The following EPS8 variants were observed in gnomAD, a reference collection of about 807,000 sequenced individuals.
The protein encoded by EPS8 is EGFR pathway substrate 8, signaling adaptor, also known as epidermal growth factor receptor kinase substrate 8.
A neutral mutation model predicts 103.8 loss-of-function variants in EPS8; 42 were observed. That is an observed-to-expected ratio of 0.40 (90% confidence interval 0.32 to 0.52). The LOEUF (loss-of-function observed/expected upper bound fraction) is 0.52. EPS8 is among the 20% of genes least tolerant of loss of function. EPS8 has a pLI of 0.40. For synonymous variants in EPS8, 344 were observed against 344.6 expected (o/e 1.00, Z 0.02); for missense variants, 969 against 1,005.1 (o/e 0.96, Z 0.49).
chr12:15,658,187 A>G, intron 11 of EPS8, 34 bp from the exon 12 acceptor site: 2 of 1,454,496 alleles, frequency 1.4e-6, no homozygotes, highest in Non-Finnish European at 1.9e-6. Context: ...ACAGATTACT[A>G]TCAAGCAAGA....
Position 15,771,796 on chromosome 12 carries a change from C to A in EPS8, c.-22+17365G>T, listed in dbSNP as rs141934614. ...TGTGGCTAACTCATTACAAAGAATT[C>A]TTTGTGGCAGTATTGAGAGCTAATT... On this transcript the variant is annotated intron_variant, in intron 1 of 20. Transcript: ENST00000281172. This position sits in a 1 kb window ranked among gnomAD's most constrained non-coding sequence, Gnocchi z 4.6. Among the ~76,000 whole-genome samples the A allele has an allele frequency of 1.2e-3, 175 of 151,992 alleles. No individual in the cohort carries two copies. The highest frequency in any genetic ancestry group is 0.011 in the East Asian group (57 of 5,156).
At chr12:15,676,782 G>C (rs1011654758) in intron 3 of EPS8, among the ~76,000 whole-genome samples, 1 of 152,096 alleles carries the variant, frequency 6.6e-6, no homozygotes, top group Admixed American at 6.5e-5. Context: ...TAAGTGTTAC[G>C]GTGTCAGTGA....
intron 13 of EPS8, among the ~76,000 whole-genome samples, chr12:15,653,473 C>T (rs1374441310): frequency 1.3e-5 from 2 of 152,100 alleles, no homozygotes; most frequent in Non-Finnish European, 2.9e-5. Flanking sequence ...ACCCGAAGTC[C>T]ATATTCCAGA....
chr12:15,676,331 T>C (rs1225216451), intron 3 of EPS8, among the ~76,000 whole-genome samples: 1 of 151,498 alleles, frequency 6.6e-6, no homozygotes, highest in Admixed American at 6.6e-5. Context: ...GAACATTTTT[T>C]ATCTAGTTTC....
In EPS8 at chr12:15,654,575, C is replaced by T. The variant is rs189471024; in HGVS notation, c.1102-282G>A. 25 of 409,288 alleles carry T rather than the reference C, an allele frequency of 6.1e-5. No homozygotes were observed. In the East Asian group the frequency reaches 9.3e-4, roughly 15 times the overall value. The allele number at this position is 409,288 out of a possible 1,614,324, so 25.4% of individuals were successfully genotyped here. ...TAGTTTCTCTGGAAGATACCAAAGGCTATGCAGAGAATTCTAGATCAGGTG... is the reference window on the plus strand; with the variant it reads ...TAGTTTCTCTGGAAGATACCAAAGGTTATGCAGAGAATTCTAGATCAGGTG... On this transcript the variant is annotated intron_variant, in intron 12 of 20. Coordinates refer to ENST00000281172, the MANE Select transcript of EPS8 (RefSeq NM_004447.6).
intron 1 of EPS8, among the ~76,000 whole-genome samples, chr12:15,705,131 T>C (rs1946367672): frequency 6.6e-6 from 1 of 151,928 alleles, no homozygotes. Context: ...CCAACTCCTA[T>C]TTTCTGGTCC....
rs1319944721 is a variant in EPS8, at chr12:15,759,215, T to C, written c.-22+29946A>G. 6.6e-6 allele frequency among the ~76,000 whole-genome samples: 1 copy of C among 152,060 alleles called. No homozygotes were observed. Among genetic ancestry groups the C allele is most frequent in the Non-Finnish European group, 1.5e-5 (1 of 67,950 alleles). On this transcript the variant is annotated intron_variant, in intron 1 of 20. Coordinates refer to ENST00000281172, the MANE Select transcript of EPS8 (RefSeq NM_004447.6). The surrounding 1 kb of genome is among the most constrained non-coding windows in gnomAD (Gnocchi z 4.9). ...AGTGCTATAATACACTAAAAATGCC[T>C]CAAAAAACATGTTTTGATTAACTGA...
chr12:15,754,620 C>A (rs1184459323), intron 1 of EPS8, among the ~76,000 whole-genome samples: 1 of 152,152 alleles, frequency 6.6e-6, no homozygotes, highest in East Asian at 1.9e-4. Context: ...AACTCTCAAA[C>A]CCTTTTTCCA....
intron 1 of EPS8, among the ~76,000 whole-genome samples, chr12:15,710,020 T>A (rs1946440543): frequency 6.6e-6 from 1 of 152,216 alleles, no homozygotes; most frequent in Non-Finnish European, 1.5e-5. Context: ...GCTGGCCTAC[T>A]GCTCACCTTC....
At chr12:15,660,493 A>G (rs1055142146) in intron 10 of EPS8, 121 bp downstream of exon 10, 23 of 691,840 alleles carry the variant, frequency 3.3e-5, no homozygotes, top group Non-Finnish European at 5.5e-5. Flanking sequence ...CGAACTCCTG[A>G]CCTTAGATGA....
At chr12:15,681,328 A>G (rs1946002450) in intron 2 of EPS8, 26 bp from the exon 3 acceptor site, 2 of 991,310 alleles carry the variant, frequency 2.0e-6, no homozygotes, top group Non-Finnish European at 2.7e-6. Flanking sequence ...TAATAATAAT[A>G]ATAATAATAT....
rs1379308879 is a variant in EPS8 at position 15,647,279 on chromosome 12, C to A, written c.1435-19G>T. On this transcript the variant is annotated intron_variant, in intron 14 of 20. Coordinates refer to ENST00000281172, the MANE Select transcript of EPS8 (RefSeq NM_004447.6). ...TGGAATGCTGAAAGACAAAGTGGGG[C>A]AGATTAAAGAATCACCAAATACTAT... is the stretch of plus-strand genomic sequence containing the variant. 13 of 1,603,894 alleles carry A rather than the reference C, an allele frequency of 8.1e-6. No homozygotes were observed. The highest frequency in any genetic ancestry group is 1.7e-4 in the Middle Eastern group (1 of 6,020).
intron 1 of EPS8, among the ~76,000 whole-genome samples, chr12:15,730,168 C>G (rs1946698586): frequency 6.6e-6 from 1 of 152,046 alleles, no homozygotes; most frequent in African/African-American, 2.4e-5. Context: ...TTGATAATTA[C>G]AGTTATTTGA....
chr12:15,761,993 C>G lies in EPS8; in HGVS notation c.-22+27168G>C, dbSNP rs1372484495. ...CAAATGAAACAACAAAGTGAAGAGA[C>G]AACCCACAGAATCAGAGAAAATATA... On this transcript the variant is annotated intron_variant, in intron 1 of 20. Coordinates refer to ENST00000281172, the MANE Select transcript of EPS8 (RefSeq NM_004447.6). This position sits in a 1 kb window ranked among gnomAD's most constrained non-coding sequence, Gnocchi z 4.5. 6.7e-6 allele frequency among the ~76,000 whole-genome samples: 1 copy of G among 150,316 alleles called. No homozygotes were observed.
rs1248564584 is a variant in EPS8 at position 15,776,541 on chromosome 12, G to T, written c.-22+12620C>A. On this transcript the variant is annotated intron_variant, in intron 1 of 20. Coordinates refer to ENST00000281172, the MANE Select transcript of EPS8 (RefSeq NM_004447.6). This position sits in a 1 kb window ranked among gnomAD's most constrained non-coding sequence, Gnocchi z 4.2. ...CAAAACCCAAATGATGCCCACGTTA[G>T]CCCAATAACGTCAATGTTAGCTAGA... Among the ~76,000 whole-genome samples, 1 of 152,100 alleles carries T rather than the reference G, an allele frequency of 6.6e-6. No individual in the cohort carries two copies. The highest frequency in any genetic ancestry group is 2.4e-5 in the African/African-American group (1 of 41,400).
intron 3 of EPS8, among the ~76,000 whole-genome samples, chr12:15,677,940 A>T (rs925518096): frequency 1.3e-5 from 2 of 152,206 alleles, no homozygotes; most frequent in Non-Finnish European, 2.9e-5. Context: ...GTGTGTGCAC[A>T]TTAGCTTATG....
chr12:15,670,440 A>G (rs1945795283), intron 4 of EPS8, among the ~76,000 whole-genome samples: 1 of 152,184 alleles, frequency 6.6e-6, no homozygotes, highest in African/African-American at 2.4e-5. Flanking sequence ...ATAAATTCCA[A>G]TCAAGAGCAA....
intron 19 of EPS8, 68 bp from the exon 20 acceptor site, chr12:15,623,355 ATC>A: frequency 7.0e-7 from 1 of 1,422,284 alleles, no homozygotes; most frequent in East Asian, 2.3e-5. Flanking sequence ...GGAGAAAATT[ATC>A]TGTTCCTGCT....
intron 18 of EPS8, among the ~76,000 whole-genome samples, chr12:15,628,215 C>T (rs1486054624): frequency 5.9e-5 from 9 of 152,138 alleles, no homozygotes; most frequent in African/African-American, 2.2e-4. Context: ...CTACAACAAA[C>T]TGTCAAACAG....
Sources: gnomAD v4.1 joint callset for allele counts (sites outside exome capture counted in the v4.1 genomes callset) on GRCh38, gnomAD v4.1.1 for gene constraint, Gnocchi (gnomAD v3.1) non-coding constraint, MANE v1.5 for transcripts, NCBI Gene and HGNC (gene_info 2026-07-23, HGNC 2026-07-21) for gene names.